Variants in CAMTA1 observed in about 807,000 individuals in gnomAD.
The protein encoded by CAMTA1 is calmodulin binding transcription activator 1.
CAMTA1 carries 27 observed loss-of-function variants against 170.9 expected under a neutral mutation model. That is an observed-to-expected ratio of 0.16 (90% CI 0.12 to 0.22). CAMTA1 has a LOEUF of 0.22. Among genes scored for constraint, CAMTA1 ranks in the 10% least tolerant of loss-of-function variants. CAMTA1 has a pLI of 1.00. For synonymous variants in CAMTA1, 833 were observed against 891.5 expected (o/e 0.93, Z 1.17); for missense variants, 1,619 against 2,217.2 (o/e 0.73, Z 5.42).
At chr1:7,240,172 C>T (rs972538897) in intron 4 of CAMTA1, among the ~76,000 whole-genome samples, 1 of 152,108 alleles carries the variant, frequency 6.6e-6, no homozygotes, top group East Asian at 1.9e-4. Flanking sequence ...TTAGGGATGA[C>T]AAAACAATGA....
At chr1:7,214,041 C>CTTGGAATAGTT (rs1553274902) in intron 4 of CAMTA1, among the ~76,000 whole-genome samples, 2 of 152,172 alleles carry the variant, frequency 1.3e-5, no homozygotes, top group Admixed American at 6.5e-5. Flanking sequence ...CAAGTCTTTG[C>CTTGGAATAGTT]TATTGTGAAT....
chr1:7,728,836 G>T (rs558801363), intron 11 of CAMTA1, among the ~76,000 whole-genome samples: 1 of 152,144 alleles, frequency 6.6e-6, no homozygotes, highest in Non-Finnish European at 1.5e-5. Flanking sequence ...AGACACCAGC[G>T]CAACCTCTGT....
chr1:7,548,725 C>T (rs2094747972), intron 6 of CAMTA1, among the ~76,000 whole-genome samples: 1 of 87,064 alleles, frequency 1.1e-5, no homozygotes, highest in Non-Finnish European at 2.5e-5. Flanking sequence ...AGGGTGCCTC[C>T]TTAGGGGTGG....
chr1:7,737,866 C>T, intron 15 of CAMTA1, 93 bp from the exon 16 acceptor site: 2 of 1,344,992 alleles, frequency 1.5e-6, no homozygotes, highest in Non-Finnish European at 2.0e-6. Context: ...CGGCTTTGCA[C>T]TTTGTGTCTC....
intron 5 of CAMTA1, among the ~76,000 whole-genome samples, chr1:7,386,163 G>A (rs866733610): frequency 6.6e-6 from 1 of 152,218 alleles, no homozygotes; most frequent in Non-Finnish European, 1.5e-5. Flanking sequence ...GAAAGGTTGC[G>A]TTTTGAGCCC....
chr1:6,967,495 G>C (rs1220240949), intron 3 of CAMTA1, among the ~76,000 whole-genome samples: 3 of 152,138 alleles, frequency 2.0e-5, no homozygotes, highest in Non-Finnish European at 2.9e-5. Flanking sequence ...GGTCTTTGTT[G>C]CTTGCCATTC....
At chr1:7,349,078 C>T (rs538456080) in intron 5 of CAMTA1, among the ~76,000 whole-genome samples, 2 of 152,122 alleles carry the variant, frequency 1.3e-5, no homozygotes, top group Admixed American at 6.6e-5. Context: ...ATTGTGTCCC[C>T]GTGCTATGGG....
chr1:6,868,371 A>G (rs533339406), intron 3 of CAMTA1, among the ~76,000 whole-genome samples: 2 of 151,350 alleles, frequency 1.3e-5, no homozygotes, highest in East Asian at 1.9e-4. Flanking sequence ...GTATAGGGTT[A>G]AAAAACGACT....
chr1:7,161,574 C>T (rs978624849), intron 4 of CAMTA1, among the ~76,000 whole-genome samples: 9 of 152,112 alleles, frequency 5.9e-5, no homozygotes, highest in African/African-American at 2.2e-4. Context: ...CAAGAGTTTC[C>T]CTGCACAAGT....
chr1:7,498,504 T>C (rs1354954310), intron 6 of CAMTA1, among the ~76,000 whole-genome samples: 2 of 151,424 alleles, frequency 1.3e-5, no homozygotes, highest in Admixed American at 1.3e-4. Flanking sequence ...TGAGTGTGGG[T>C]GTGGGTGTAT....
intron 3 of CAMTA1, among the ~76,000 whole-genome samples, chr1:6,975,779 C>G (rs368039649): frequency 2.6e-5 from 4 of 152,288 alleles, no homozygotes; most frequent in East Asian, 3.9e-4. Context: ...CAAAAGGAAG[C>G]CTTGTACTCC....
intron 5 of CAMTA1, among the ~76,000 whole-genome samples, chr1:7,353,961 C>T (rs79555678): frequency 0.014 from 2,166 of 152,026 alleles, 60 homozygotes; most frequent in African/African-American, 0.049. Flanking sequence ...TCTTTGTGAC[C>T]GTGTGTACTC....
intron 6 of CAMTA1, among the ~76,000 whole-genome samples, chr1:7,498,841 C>T (rs556372319): frequency 2.9e-5 from 4 of 138,460 alleles, no homozygotes; most frequent in Middle Eastern, 4.7e-3. Context: ...GCCTGGTGTG[C>T]GTGTGTATGT....
At chr1:7,567,535 G>A (rs1003718823) in intron 6 of CAMTA1, among the ~76,000 whole-genome samples, 3 of 152,244 alleles carry the variant, frequency 2.0e-5, no homozygotes, top group Admixed American at 1.3e-4. Flanking sequence ...GATGGGAGAC[G>A]TGCTTTGGAG....
At position 7,307,045 on chromosome 1, in the gene CAMTA1, G is replaced by A. The variant is rs185807241; in HGVS notation, c.438+57419G>A. Reference sequence around the variant, plus strand: ...TCTGTGGATTTTTATATCCACAGGGGTTCCTGGAACTAATCCTCTGCAGAT... The same window carrying A: ...TCTGTGGATTTTTATATCCACAGGGATTCCTGGAACTAATCCTCTGCAGAT... On this transcript the variant is annotated intron_variant, in intron 5 of 22. Transcript: ENST00000303635. Among the ~76,000 whole-genome samples the A allele has an allele frequency of 3.9e-5, 6 of 151,966 alleles. 1 individual carries two copies. In the East Asian group the frequency reaches 9.7e-4, roughly 24 times the overall value.
intron 6 of CAMTA1, among the ~76,000 whole-genome samples, chr1:7,488,929 G>A (rs1430200702): frequency 6.6e-6 from 1 of 151,738 alleles, no homozygotes; most frequent in African/African-American, 2.4e-5. Context: ...CCATGCACAC[G>A]TCACACACAA....
intron 6 of CAMTA1, among the ~76,000 whole-genome samples, chr1:7,611,158 C>T (rs114968501): frequency 2.0e-5 from 3 of 151,968 alleles, no homozygotes; most frequent in Non-Finnish European, 4.4e-5. Context: ...GGCCATGGTG[C>T]GGGCCTAGTC....
intron 4 of CAMTA1, among the ~76,000 whole-genome samples, chr1:7,167,801 T>C (rs566052772): frequency 6.6e-6 from 1 of 152,160 alleles, no homozygotes; most frequent in Non-Finnish European, 1.5e-5. Context: ...CAGTCTGGAA[T>C]GCAGTGGGGT....
In CAMTA1 at chr1:7,561,114, C is replaced by T. The variant is rs567199281; in HGVS notation, c.511-79286C>T. Among the ~76,000 whole-genome samples, 3 of 152,232 alleles carry T rather than the reference C, an allele frequency of 2.0e-5. No individual in the cohort carries two copies. The highest frequency in any genetic ancestry group is 2.1e-4 in the South Asian group (1 of 4,826). Reference sequence around the variant, plus strand: ...CCTCATTGCTGTCCTTTCTGAACAACGCCCAAGAATCCAGGCATGGCCAGG... The same window carrying T: ...CCTCATTGCTGTCCTTTCTGAACAATGCCCAAGAATCCAGGCATGGCCAGG... On this transcript the variant is annotated intron_variant, in intron 6 of 22. Coordinates refer to ENST00000303635, the MANE Select transcript of CAMTA1 (RefSeq NM_015215.4). The surrounding 1 kb of genome is among the most constrained non-coding windows in gnomAD (Gnocchi z 5.3).
Sources: allele counts gnomAD v4.1 joint callset (sites outside exome capture counted in the v4.1 genomes callset), GRCh38; gene constraint gnomAD v4.1.1; non-coding constraint Gnocchi (gnomAD v3.1); transcripts MANE v1.5; gene names NCBI Gene and HGNC (gene_info 2026-07-23, HGNC 2026-07-21).